PARD3: variants seen among roughly 807,000 people sequenced by gnomAD.
The protein encoded by PARD3 is partitioning defective 3 homolog.
In PARD3, 75 loss-of-function variants were observed where a neutral mutation model predicts 155.4. The observed-to-expected ratio is 0.48, with a 90% CI of 0.40 to 0.58. PARD3 has a LOEUF of 0.58. Ranked by LOEUF, PARD3 falls within the 20% of genes least tolerant of loss-of-function variation. The probability of loss-of-function intolerance (pLI) is 0.00; values close to 1 mark genes in which losing one functional copy is unlikely to be tolerated. For synonymous variants in PARD3, 576 were observed against 610.5 expected, an observed-to-expected ratio of 0.94 and a Z score of 0.83; for missense variants, 1,642 against 1,721.7, an observed-to-expected ratio of 0.95 and a Z score of 0.82.
intron 22 of PARD3, among the ~76,000 whole-genome samples, chr10:34,219,349 G>GA (rs35829323): frequency 3.3e-5 from 5 of 151,440 alleles, no homozygotes; most frequent in Admixed American, 1.3e-4. Flanking sequence ...ATAACTCCAG[G>GA]AAAAAAAATG....
intron 5 of PARD3, among the ~76,000 whole-genome samples, chr10:34,432,605 T>C (rs1286539682): frequency 6.6e-6 from 1 of 152,194 alleles, no homozygotes; most frequent in Non-Finnish European, 1.5e-5. Context: ...TTGCTATATA[T>C]GGCCCAGATC....
chr10:34,536,860 A>T (rs1267661171), intron 2 of PARD3, among the ~76,000 whole-genome samples: 1 of 152,178 alleles, frequency 6.6e-6, no homozygotes, highest in Non-Finnish European at 1.5e-5. Flanking sequence ...TAAAACATTA[A>T]ATTTTTGATA....
chr10:34,372,603 A>G, intron 11 of PARD3, 67 bp from the exon 12 acceptor site: 1 of 1,110,762 alleles, frequency 9.0e-7, no homozygotes, highest in Non-Finnish European at 1.4e-6. Context: ...CAGGGACACA[A>G]TGATTTATTT....
In PARD3 at chr10:34,516,992, T is replaced by C; in HGVS notation, c.390A>G (p.Ser130=). 2.5e-6 allele frequency: 4 copies of C among 1,614,116 alleles called. No individual in the cohort carries two copies. The highest frequency in any genetic ancestry group is 3.4e-6 in the Non-Finnish European group (4 of 1,179,958). Residue 130 remains serine (S), a synonymous_variant, in exon 3 of 25, where the codon TCA becomes TCG. Coordinates refer to ENST00000374788, the MANE Select transcript of PARD3 (RefSeq NM_001184785.2). ...QATSEIEVTP[S]VLRANMPLHV... is the part of the protein sequence containing the mutation. ...GCTTTCACTTACTTGCTCGAAGGACTGAAGGTGTGACCTCAATTTCACTTG... is the reference window on the plus strand; with the variant it reads ...GCTTTCACTTACTTGCTCGAAGGACCGAAGGTGTGACCTCAATTTCACTTG...
intron 22 of PARD3, among the ~76,000 whole-genome samples, chr10:34,152,692 A>G (rs1013822678): frequency 6.6e-6 from 1 of 152,160 alleles, no homozygotes; most frequent in African/African-American, 2.4e-5. Context: ...TTATTCAATC[A>G]TTTCCCAGAT....
intron 2 of PARD3, among the ~76,000 whole-genome samples, chr10:34,529,657 C>G (rs1048028967): frequency 6.6e-6 from 1 of 152,060 alleles, no homozygotes; most frequent in African/African-American, 2.4e-5. Context: ...GTATTCCACA[C>G]TGAATTCTTA....
rs141459225 is a variant in PARD3 at position 34,227,080 on chromosome 10, A to T, written c.3419+42577T>A. Among the ~76,000 whole-genome samples, 1,156 of 152,336 alleles carry T rather than the reference A, an allele frequency of 7.6e-3. 11 individuals are homozygous for T. The highest frequency in any genetic ancestry group is 0.011 in the Non-Finnish European group (776 of 68,028). On this transcript the variant is annotated intron_variant, in intron 22 of 24. Coordinates refer to ENST00000374788, the MANE Select transcript of PARD3 (RefSeq NM_001184785.2). ...AAACTATCAACAGAGTAAACACACAACCTACAGAATGGGAAAAAATACTTG... is the reference window on the plus strand; with the variant it reads ...AAACTATCAACAGAGTAAACACACATCCTACAGAATGGGAAAAAATACTTG...
At position 34,684,273 on chromosome 10, in the gene PARD3, C is replaced by A. The variant is rs181122278; in HGVS notation, c.222+12045G>T. ...TCCTCAGAGATGACCAGTACTGACA[C>A]TTTTTGGTCTACCCCTCAAACTTTT... On this transcript the variant is annotated intron_variant, in intron 2 of 24. Coordinates refer to ENST00000374788, the MANE Select transcript of PARD3 (RefSeq NM_001184785.2). Among the ~76,000 whole-genome samples the A allele has an allele frequency of 3.0e-3, 464 of 152,282 alleles. 3 individuals carry two copies. Among genetic ancestry groups the A allele is most frequent in the African/African-American group, 0.01 (427 of 41,556 alleles).
chr10:34,197,117 G>T (rs1265957420), intron 22 of PARD3, among the ~76,000 whole-genome samples: 2 of 152,004 alleles, frequency 1.3e-5, no homozygotes, highest in East Asian at 3.9e-4. Context: ...AAGAATGCAG[G>T]GTCTTCAAAA....
chr10:34,806,926 C>T (rs1174029059), intron 1 of PARD3, among the ~76,000 whole-genome samples: 1 of 152,206 alleles, frequency 6.6e-6, no homozygotes, highest in Non-Finnish European at 1.5e-5. Flanking sequence ...GAAACAGAGG[C>T]TCACAGAGCT....
chr10:34,166,079 T>C (rs16935157), intron 22 of PARD3, among the ~76,000 whole-genome samples: 11,056 of 152,246 alleles, frequency 0.073, 1,025 homozygotes, highest in East Asian at 0.3. Context: ...ATTCACTGAG[T>C]TGGACTTACA....
At chr10:34,189,655 A>T (rs1370099767) in intron 22 of PARD3, among the ~76,000 whole-genome samples, 1 of 152,226 alleles carries the variant, frequency 6.6e-6, no homozygotes, top group Non-Finnish European at 1.5e-5. Flanking sequence ...TCCATGACCT[A>T]CTGAAGTATG....
In PARD3 at chr10:34,784,443, CT is replaced by C. The variant is rs936219571; in HGVS notation, c.120+30432del. 1.4e-3 allele frequency among the ~76,000 whole-genome samples: 177 copies of C among 127,974 alleles called. 1 individual carries two copies. The highest frequency in any genetic ancestry group is 4.0e-3 in the Middle Eastern group (1 of 250). The allele number at this position is 127,974 out of a possible 152,430, so 84.0% of individuals were successfully genotyped here. A position where few individuals can be genotyped will look rare whatever the true frequency, so the allele number is the denominator to read the frequency against. On this transcript the variant is annotated intron_variant, in intron 1 of 24. Transcript: ENST00000374788. ...CACTCTCCTGGTATTTTCCAACATA[CT>C]TTTTTTTTTTTTGGAGACGGAGTCT...
At chr10:34,761,450 TA>T (rs891466093) in intron 1 of PARD3, among the ~76,000 whole-genome samples, 2 of 151,802 alleles carry the variant, frequency 1.3e-5, no homozygotes, top group African/African-American at 4.8e-5. Flanking sequence ...CTTTCAAACA[TA>T]AAAAAAATTA....
At chr10:34,542,229 G>GTA (rs1564826051) in intron 2 of PARD3, among the ~76,000 whole-genome samples, 9 of 5,244 alleles carry the variant, frequency 1.7e-3, no homozygotes, top group African/African-American at 2.4e-3. Flanking sequence ...GTGTGTGTGT[G>GTA]TGTGTGTGTG....
Position 34,234,067 on chromosome 10 carries a change from G to A in PARD3, c.3419+35590C>T, listed in dbSNP as rs534275876. 3.9e-5 allele frequency among the ~76,000 whole-genome samples: 6 copies of A among 152,164 alleles called. No homozygotes were observed. In the East Asian group the frequency reaches 1.2e-3, roughly 29 times the overall value. ...ATAACTACTGATATAGAACTACTTT[G>A]TAATCAATTTCTGATACAACTACTG... On this transcript the variant is annotated intron_variant, in intron 22 of 24. Transcript: ENST00000374788.
In PARD3 at chr10:34,313,412, T is replaced by C. The variant is rs139816638; in HGVS notation, c.3065+3695A>G. ...AACAGGAAAAACTTTGCATTTGTTA[T>C]TTGATTCCTTATAGATTTAAATTTC... On this transcript the variant is annotated intron_variant, in intron 20 of 24. Coordinates refer to ENST00000374788, the MANE Select transcript of PARD3 (RefSeq NM_001184785.2). Among the ~76,000 whole-genome samples, 62 of 152,334 alleles carry C rather than the reference T, an allele frequency of 4.1e-4. No homozygotes were observed. The East Asian group carries it at 0.011, about 27-fold the overall frequency.
chr10:34,777,275 A>C (rs896880431), intron 1 of PARD3, among the ~76,000 whole-genome samples: 2 of 151,522 alleles, frequency 1.3e-5, no homozygotes, highest in Non-Finnish European at 2.9e-5. Context: ...CCTTCCCTCC[A>C]CCATCCCACC....
chr10:34,456,269 C>G (rs767664440), intron 4 of PARD3, among the ~76,000 whole-genome samples: 1 of 152,154 alleles, frequency 6.6e-6, no homozygotes, highest in South Asian at 2.1e-4. Flanking sequence ...GCTCAAATTA[C>G]TTAAGTAATA....
Sources: allele counts gnomAD v4.1 joint callset (sites outside exome capture counted in the v4.1 genomes callset), GRCh38; gene constraint gnomAD v4.1.1; transcripts MANE v1.5; gene names NCBI Gene and HGNC (gene_info 2026-07-23, HGNC 2026-07-21).